UNC5D: variants seen among roughly 807,000 people sequenced by gnomAD.
UNC5D encodes the protein netrin receptor UNC5D.
Under a neutral mutation model 105.4 loss-of-function variants are expected in UNC5D, and 39 were observed. That is an observed-to-expected ratio of 0.37 (90% confidence interval 0.29 to 0.48). The LOEUF (loss-of-function observed/expected upper bound fraction) is 0.48. Among genes scored for constraint, UNC5D ranks in the 20% least tolerant of loss-of-function variants. The pLI is 0.98. For missense variants in UNC5D, 991 were observed against 1,202.4 expected, an observed-to-expected ratio of 0.82 and a Z score of 2.60; for synonymous variants, 452 against 450.4, an observed-to-expected ratio of 1.00 and a Z score of -0.04.
intron 2 of UNC5D, among the ~76,000 whole-genome samples, chr8:35,562,295 G>T (rs1241384543): frequency 1.3e-5 from 2 of 152,052 alleles, no homozygotes; most frequent in Non-Finnish European, 2.9e-5. Context: ...GATTCACGGG[G>T]TCGCAGATAT....
intron 8 of UNC5D, among the ~76,000 whole-genome samples, chr8:35,713,003 A>G (rs1828048464): frequency 6.6e-6 from 1 of 151,978 alleles, no homozygotes. Flanking sequence ...AATCATTCCT[A>G]CTGTGAATCA....
chr8:35,640,753 T>G (rs983178346), intron 4 of UNC5D, among the ~76,000 whole-genome samples: 48 of 152,178 alleles, frequency 3.2e-4, no homozygotes, highest in African/African-American at 1.2e-3. Context: ...GTCTTTTGAA[T>G]TCGGATCTAT....
intron 1 of UNC5D, among the ~76,000 whole-genome samples, chr8:35,344,222 T>C (rs981282904): frequency 1.3e-5 from 2 of 152,026 alleles, no homozygotes; most frequent in Non-Finnish European, 1.5e-5. Context: ...TCATCTGAAA[T>C]TGATTTGCCG....
rs1298108184 is a variant in UNC5D, at chr8:35,450,587, G to A, written c.104-98705G>A. On this transcript the variant is annotated intron_variant, in intron 1 of 16. Coordinates refer to ENST00000404895, the MANE Select transcript of UNC5D (RefSeq NM_080872.4). ...TTCTTCAGAGAAAGCTATATATTATGTATTGATTATAAAATATACTTCAAA... is the reference window on the plus strand; with the variant it reads ...TTCTTCAGAGAAAGCTATATATTATATATTGATTATAAAATATACTTCAAA... Among the ~76,000 whole-genome samples, 3 of 152,058 alleles carry A rather than the reference G, an allele frequency of 2.0e-5. No homozygotes were observed. The South Asian group carries it at 6.2e-4, about 32-fold the overall frequency.
chr8:35,351,129 T>C (rs971187929), intron 1 of UNC5D, among the ~76,000 whole-genome samples: 2 of 152,054 alleles, frequency 1.3e-5, no homozygotes, highest in African/African-American at 4.8e-5. Flanking sequence ...TAAATATACT[T>C]AAGCCTGAGG....
chr8:35,351,405 A>G (rs1812227807), intron 1 of UNC5D, among the ~76,000 whole-genome samples: 5 of 152,134 alleles, frequency 3.3e-5, no homozygotes, highest in Admixed American at 2.6e-4. Flanking sequence ...AAATATATCT[A>G]TACATTTAGA....
intron 1 of UNC5D, among the ~76,000 whole-genome samples, chr8:35,488,638 A>C (rs768394348): frequency 2.6e-5 from 4 of 152,202 alleles, no homozygotes; most frequent in African/African-American, 9.6e-5. Flanking sequence ...GTGATCCTTA[A>C]CATTGAATTG....
chr8:35,398,379 GAT>G (rs1158391856), intron 1 of UNC5D, among the ~76,000 whole-genome samples: 15 of 151,892 alleles, frequency 9.9e-5, no homozygotes, highest in African/African-American at 3.6e-4. Flanking sequence ...TAATTTATGT[GAT>G]TATTTGTTTA....
rs1198614747 is a variant in UNC5D at position 35,642,391 on chromosome 8, G to A, written c.571-41156G>A. Among the ~76,000 whole-genome samples, 9 of 152,004 alleles carry A rather than the reference G, an allele frequency of 5.9e-5. No individual in the cohort carries two copies. The South Asian group carries it at 8.3e-4, about 14-fold the overall frequency. On this transcript the variant is annotated intron_variant, in intron 4 of 16. Coordinates refer to ENST00000404895, the MANE Select transcript of UNC5D (RefSeq NM_080872.4). Reference sequence around the variant, plus strand: ...ACAGTATATCTGGTATCATATTCTTGAGGTTTTCAGGACTCTGATTGCAAA... The same window carrying A: ...ACAGTATATCTGGTATCATATTCTTAAGGTTTTCAGGACTCTGATTGCAAA...
chr8:35,728,095 A>AAAAAAAAATATATATAT (rs34672872), intron 10 of UNC5D, among the ~76,000 whole-genome samples: 3 of 110,362 alleles, frequency 2.7e-5, no homozygotes, highest in African/African-American at 1.6e-4. Flanking sequence ...AAAAAAAAAA[A>AAAAAAAAATATATATAT]ATATATATAT....
intron 4 of UNC5D, among the ~76,000 whole-genome samples, chr8:35,606,163 T>A (rs973173386): frequency 2.0e-5 from 3 of 151,976 alleles, no homozygotes; most frequent in African/African-American, 7.2e-5. Flanking sequence ...AATTTTTGTA[T>A]TTTTAGTAGA....
rs767570017 is a variant in UNC5D at position 35,774,432 on chromosome 8, A to C, written c.2612A>C (p.Lys871Thr). ...ICATFDTPNA[K>T]GKDWQMLAQK... is the part of the protein sequence containing the mutation. ...GCTACATTTGATACCCCCAATGCCA[A>C]AGGCAAGGACTGGCAGATGTTAGCA... Residue 871 changes from lysine to threonine, a missense_variant, in exon 16 of 17, where the codon AAA becomes ACA. Around this residue, in one of 3 missense-constraint regions of UNC5D, gnomAD observed 944 missense variants for 1,131.6 expected, o/e 0.83. Coordinates refer to ENST00000404895, the MANE Select transcript of UNC5D (RefSeq NM_080872.4). 6.2e-7 allele frequency: 1 copy of C among 1,614,148 alleles called. No individual in the cohort carries two copies.
At chr8:35,429,252 G>A (rs1266801588) in intron 1 of UNC5D, among the ~76,000 whole-genome samples, 1 of 152,132 alleles carries the variant, frequency 6.6e-6, no homozygotes, top group Non-Finnish European at 1.5e-5. Flanking sequence ...AGGAAGTGTT[G>A]TGCTAGAGAT....
At chr8:35,391,722 A>G (rs1397842933) in intron 1 of UNC5D, among the ~76,000 whole-genome samples, 1 of 152,178 alleles carries the variant, frequency 6.6e-6, no homozygotes, top group Non-Finnish European at 1.5e-5. Flanking sequence ...TTATAATTTA[A>G]AAAGCCTGGG....
At chr8:35,723,572 T>A (rs1828699509) in intron 9 of UNC5D, among the ~76,000 whole-genome samples, 1 of 151,848 alleles carries the variant, frequency 6.6e-6, no homozygotes, top group Non-Finnish European at 1.5e-5. Flanking sequence ...AGTTTTTGTT[T>A]TATTTTTATT....
intron 2 of UNC5D, among the ~76,000 whole-genome samples, chr8:35,551,971 G>A (rs1274731532): frequency 6.6e-6 from 1 of 152,174 alleles, no homozygotes; most frequent in East Asian, 1.9e-4. Flanking sequence ...TTATTTACAT[G>A]TAAAGAAAGA....
intron 4 of UNC5D, among the ~76,000 whole-genome samples, chr8:35,670,433 CA>C (rs1824707954): frequency 1.3e-5 from 2 of 152,064 alleles, no homozygotes; most frequent in African/African-American, 4.8e-5. Flanking sequence ...GCACTATTGA[CA>C]ATAGCGAAGA....
At chr8:35,379,444 T>G (rs539498994) in intron 1 of UNC5D, among the ~76,000 whole-genome samples, 70 of 152,346 alleles carry the variant, frequency 4.6e-4, no homozygotes, top group African/African-American at 1.6e-3. Flanking sequence ...CCTAAGAGAC[T>G]GAGTGACCGA....
rs139482136 is a variant in UNC5D at position 35,501,165 on chromosome 8, C to T, written c.104-48127C>T. Reference sequence around the variant, plus strand: ...TGAAACTACTCTGGAAACACTGACACGGTTCAGAAAACGTGATTACCAAGG... The same window carrying T: ...TGAAACTACTCTGGAAACACTGACATGGTTCAGAAAACGTGATTACCAAGG... On this transcript the variant is annotated intron_variant, in intron 1 of 16. Coordinates refer to ENST00000404895, the MANE Select transcript of UNC5D (RefSeq NM_080872.4). Among the ~76,000 whole-genome samples, 529 of 152,302 alleles carry T rather than the reference C, an allele frequency of 3.5e-3. 1 individual carries two copies. Among genetic ancestry groups the T allele is most frequent in the Non-Finnish European group, 4.4e-3 (302 of 68,024 alleles).
Sources: allele counts gnomAD v4.1 joint callset (sites outside exome capture counted in the v4.1 genomes callset), GRCh38; gene constraint gnomAD v4.1.1; regional missense constraint gnomAD v4.1.1; transcripts MANE v1.5; gene names NCBI Gene and HGNC (gene_info 2026-07-23, HGNC 2026-07-21).